Variants in TCF7L1 observed in about 807,000 individuals in gnomAD.
The protein encoded by TCF7L1 is transcription factor 7 like 1.
In TCF7L1, 18 loss-of-function variants were observed where a neutral mutation model predicts 63.7. The observed-to-expected ratio is 0.28, with a 90% CI of 0.20 to 0.42. The LOEUF is 0.42. Ranked by LOEUF, TCF7L1 falls within the 10% of genes least tolerant of loss-of-function variation. The probability of loss-of-function intolerance (pLI) is 1.00; values close to 1 mark genes in which losing one functional copy is unlikely to be tolerated. For missense variants in TCF7L1, 654 were observed against 779.3 expected (o/e 0.84, Z 1.91); for synonymous variants, 355 against 340.9 (o/e 1.04, Z -0.46).
intron 3 of TCF7L1, among the ~76,000 whole-genome samples, chr2:85,148,773 T>TTC (rs1677937256): frequency 7.1e-6 from 1 of 141,050 alleles, no homozygotes; most frequent in Non-Finnish European, 1.5e-5. Flanking sequence ...AGTATTTAAT[T>TTC]TTTTTTTTTT....
chr2:85,179,889 TG>T (rs1339678965), intron 3 of TCF7L1, among the ~76,000 whole-genome samples: 1 of 151,930 alleles, frequency 6.6e-6, no homozygotes, highest in African/African-American at 2.4e-5. Context: ...AGTTGCTGAA[TG>T]AAAAAAAAAG....
intron 3 of TCF7L1, among the ~76,000 whole-genome samples, chr2:85,171,345 GA>G (rs1195493335): frequency 6.6e-6 from 1 of 152,214 alleles, no homozygotes; most frequent in African/African-American, 2.4e-5. Context: ...GATTATGTCA[GA>G]ATGATTTGGG....
chr2:85,140,251 G>A (rs143444562), intron 3 of TCF7L1, among the ~76,000 whole-genome samples: 27 of 152,284 alleles, frequency 1.8e-4, no homozygotes, highest in African/African-American at 6.3e-4. Flanking sequence ...CGATGACAGA[G>A]CCCACACAGT....
At chr2:85,241,443 T>TTG (rs1680327003) in intron 3 of TCF7L1, among the ~76,000 whole-genome samples, 1 of 124,132 alleles carries the variant, frequency 8.1e-6, no homozygotes, top group African/African-American at 2.8e-5. Context: ...TTTTGTTTTT[T>TTG]TTTTTTTTTT....
chr2:85,277,581 G>A (rs908300), intron 3 of TCF7L1, among the ~76,000 whole-genome samples: 42,122 of 152,000 alleles, frequency 0.28, 6,209 homozygotes, highest in East Asian at 0.57. Flanking sequence ...CCAAAACTGG[G>A]ACCCTTTGTG....
At chr2:85,161,061 C>T (rs573583225) in intron 3 of TCF7L1, among the ~76,000 whole-genome samples, 2 of 152,286 alleles carry the variant, frequency 1.3e-5, no homozygotes, top group East Asian at 3.9e-4. Context: ...ACACCAGCAT[C>T]CGTAGAGCTA....
intron 3 of TCF7L1, among the ~76,000 whole-genome samples, chr2:85,253,432 G>C (rs141310404): frequency 6.6e-6 from 1 of 152,338 alleles, no homozygotes; most frequent in Non-Finnish European, 1.5e-5. Flanking sequence ...GCTTTGTCCT[G>C]AGTAGGCTGG....
intron 3 of TCF7L1, among the ~76,000 whole-genome samples, chr2:85,219,740 G>A (rs1180265952): frequency 6.6e-6 from 1 of 152,062 alleles, no homozygotes; most frequent in Non-Finnish European, 1.5e-5. Flanking sequence ...GAAAAAATAA[G>A]GGGCTAAAAA....
chr2:85,220,359 A>AT lies in TCF7L1; in HGVS notation c.442-63136_442-63135insT, dbSNP rs1553400502. 1.4e-3 allele frequency among the ~76,000 whole-genome samples: 208 copies of AT among 151,168 alleles called. 1 individual carries two copies. Among genetic ancestry groups the AT allele is most frequent in the African/African-American group, 4.9e-3 (200 of 41,182 alleles). ...TCTACTTACTTTCTGTACTTAAAAA[A>AT]AAATATATATATATGTATATATATT... On this transcript the variant is annotated intron_variant, in intron 3 of 11. Transcript: ENST00000282111.
chr2:85,171,823 A>T (rs2104236675), intron 3 of TCF7L1, among the ~76,000 whole-genome samples: 1 of 152,140 alleles, frequency 6.6e-6, no homozygotes, highest in South Asian at 2.1e-4. Context: ...CCTTTGCCAG[A>T]TTCTTGTAAA....
At chr2:85,293,071 A>G (rs1681762592) in intron 4 of TCF7L1, among the ~76,000 whole-genome samples, 1 of 152,174 alleles carries the variant, frequency 6.6e-6, no homozygotes, top group African/African-American at 2.4e-5. Context: ...TGTCCTTCTC[A>G]TGGCATGTGG....
chr2:85,273,724 G>A (rs1681207917), intron 3 of TCF7L1, among the ~76,000 whole-genome samples: 1 of 152,200 alleles, frequency 6.6e-6, no homozygotes, highest in African/African-American at 2.4e-5. Flanking sequence ...GCAGAAGCCT[G>A]GGAAACACCT....
At chr2:85,226,529 C>G (rs1679955736) in intron 3 of TCF7L1, among the ~76,000 whole-genome samples, 1 of 151,972 alleles carries the variant, frequency 6.6e-6, no homozygotes, top group South Asian at 2.1e-4. Flanking sequence ...TTCTCTATGT[C>G]AGTGCAACTT....
rs1387104260 is a variant in TCF7L1 at position 85,245,529 on chromosome 2, C to T, written c.442-37966C>T. On this transcript the variant is annotated intron_variant, in intron 3 of 11. Transcript: ENST00000282111. ...AGCCAGGGGCCTCTTTAAAACAGAC[C>T]GGGCCAGGCACGGTGGCTCACATCT... 6.6e-5 allele frequency among the ~76,000 whole-genome samples: 10 copies of T among 152,076 alleles called. No homozygotes were observed. The South Asian group carries it at 1.2e-3, about 19-fold the overall frequency.
chr2:85,137,968 C>T (rs1677634976), intron 3 of TCF7L1, among the ~76,000 whole-genome samples: 1 of 150,258 alleles, frequency 6.7e-6, no homozygotes, highest in East Asian at 1.9e-4. Flanking sequence ...TGGTTTAAGA[C>T]AAAGAAGAGC....
At chr2:85,186,443 C>CT (rs143738779) in intron 3 of TCF7L1, 21,322 of 152,144 alleles carry the variant, frequency 0.14, 1,746 homozygotes, top group African/African-American at 0.2. Context: ...TATGGGCCCA[C>CT]ACTGCTTGCA....
chr2:85,177,765 C>T (rs1405128113), intron 3 of TCF7L1, among the ~76,000 whole-genome samples: 4 of 152,102 alleles, frequency 2.6e-5, no homozygotes. Context: ...TACCACCTAA[C>T]AAACTGTTTT....
chr2:85,298,525 C>T (rs1243289017), intron 4 of TCF7L1, among the ~76,000 whole-genome samples: 1 of 149,138 alleles, frequency 6.7e-6, no homozygotes, highest in Non-Finnish European at 1.5e-5. Context: ...GGACACATGG[C>T]TTCCTAGGGA....
At chr2:85,202,822 A>G (rs1287752181) in intron 3 of TCF7L1, among the ~76,000 whole-genome samples, 1 of 152,160 alleles carries the variant, frequency 6.6e-6, no homozygotes, top group Non-Finnish European at 1.5e-5. Flanking sequence ...TTGAACCTAA[A>G]GTACCTCCGA....
Sources: allele counts gnomAD v4.1 joint callset (sites outside exome capture counted in the v4.1 genomes callset), GRCh38; gene constraint gnomAD v4.1.1; transcripts MANE v1.5; gene names NCBI Gene and HGNC (gene_info 2026-07-23, HGNC 2026-07-21).